The following ITGBL1 variants were observed in gnomAD, a reference collection of about 807,000 sequenced individuals.
ITGBL1 encodes the protein integrin beta-like protein 1.
A neutral mutation model predicts 68.5 loss-of-function variants in ITGBL1; 51 were observed. That is an observed-to-expected ratio of 0.74 (90% CI 0.59 to 0.94). ITGBL1 has a LOEUF of 0.94. ITGBL1 is among the 40% of genes least tolerant of loss of function. ITGBL1 has a pLI of 0.00. For missense variants in ITGBL1, 649 were observed against 647.4 expected (o/e 1.00, Z -0.03); for synonymous variants, 209 against 227.3 (o/e 0.92, Z 0.72).
chr13:101,573,392 T>G (rs1291900476), intron 3 of ITGBL1, among the ~76,000 whole-genome samples: 1 of 152,108 alleles, frequency 6.6e-6, no homozygotes, highest in Non-Finnish European at 1.5e-5. Context: ...AGTGAAAAAT[T>G]TATAGATAAT....
chr13:101,566,308 T>C (rs2050182466), intron 2 of ITGBL1, among the ~76,000 whole-genome samples: 2 of 152,134 alleles, frequency 1.3e-5, no homozygotes, highest in African/African-American at 4.8e-5. Flanking sequence ...CTTAATGCTT[T>C]TATAAATAGG....
At chr13:101,571,880 A>G (rs970975002) in intron 3 of ITGBL1, among the ~76,000 whole-genome samples, 1 of 152,134 alleles carries the variant, frequency 6.6e-6, no homozygotes, top group Non-Finnish European at 1.5e-5. Flanking sequence ...TATGTATGCA[A>G]TGTAATTTAT....
intron 8 of ITGBL1, among the ~76,000 whole-genome samples, chr13:101,698,764 A>G (rs1021139935): frequency 6.6e-6 from 1 of 152,200 alleles, no homozygotes; most frequent in African/African-American, 2.4e-5. Context: ...AAATATATTC[A>G]CATACTGGCA....
chr13:101,566,876 G>A (rs971402672), intron 2 of ITGBL1, among the ~76,000 whole-genome samples: 3 of 152,088 alleles, frequency 2.0e-5, no homozygotes, highest in East Asian at 1.9e-4. Context: ...AGACTTTATC[G>A]CTCAGCTTAA....
chr13:101,554,037 G>A (rs1230338038), intron 2 of ITGBL1, among the ~76,000 whole-genome samples: 1 of 152,046 alleles, frequency 6.6e-6, no homozygotes, highest in Non-Finnish European at 1.5e-5. Context: ...GCCTCCCAAA[G>A]TTCTGGGATT....
At chr13:101,645,832 C>A (rs1274430363) in intron 7 of ITGBL1, among the ~76,000 whole-genome samples, 1 of 152,070 alleles carries the variant, frequency 6.6e-6, no homozygotes, top group African/African-American at 2.4e-5. Context: ...TCTCATTTCT[C>A]ATATTTTGTG....
intron 5 of ITGBL1, among the ~76,000 whole-genome samples, 186 bp from the exon 6 acceptor site, chr13:101,583,030 T>G (rs1194938917): frequency 6.6e-6 from 1 of 152,222 alleles, no homozygotes; most frequent in Non-Finnish European, 1.5e-5. Flanking sequence ...AGATAATAAC[T>G]TTTGTTTATT....
chr13:101,680,722 C>G (rs1309771808), intron 7 of ITGBL1, among the ~76,000 whole-genome samples: 1 of 152,046 alleles, frequency 6.6e-6, no homozygotes, highest in African/African-American at 2.4e-5. Context: ...AACATTCAGC[C>G]CTTACAATCA....
intron 7 of ITGBL1, among the ~76,000 whole-genome samples, chr13:101,679,220 A>G (rs1052858973): frequency 6.6e-6 from 1 of 152,142 alleles, no homozygotes. Flanking sequence ...AACACTTTCT[A>G]TAGAAACATT....
chr13:101,705,957 G>A (rs1199763021), intron 8 of ITGBL1, among the ~76,000 whole-genome samples: 2 of 152,128 alleles, frequency 1.3e-5, no homozygotes. Context: ...CCTGCTGTAA[G>A]GTAATGCACA....
At chr13:101,467,176 G>A (rs540718415) in intron 2 of ITGBL1, among the ~76,000 whole-genome samples, 5 of 152,210 alleles carry the variant, frequency 3.3e-5, no homozygotes, top group African/African-American at 9.6e-5. Flanking sequence ...ATACTGTCAC[G>A]TTGGGGATTA....
chr13:101,523,451 T>A (rs560800172), intron 2 of ITGBL1, among the ~76,000 whole-genome samples: 1 of 152,306 alleles, frequency 6.6e-6, no homozygotes, highest in South Asian at 2.1e-4. Flanking sequence ...GAATGTCAAA[T>A]TAATGCGGTT....
intron 2 of ITGBL1, among the ~76,000 whole-genome samples, chr13:101,463,893 G>T (rs1364688246): frequency 6.7e-6 from 1 of 148,854 alleles, no homozygotes; most frequent in Non-Finnish European, 1.5e-5. Context: ...TTGAATAGGA[G>T]TCATTCTAGT....
At chr13:101,605,883 T>C (rs2030798297) in intron 7 of ITGBL1, among the ~76,000 whole-genome samples, 1 of 149,948 alleles carries the variant, frequency 6.7e-6, no homozygotes, top group Non-Finnish European at 1.5e-5. Flanking sequence ...TACACATATA[T>C]AGACATGTAT....
At chr13:101,642,530 G>A (rs1486595973) in intron 7 of ITGBL1, among the ~76,000 whole-genome samples, 1 of 152,158 alleles carries the variant, frequency 6.6e-6, no homozygotes, top group African/African-American at 2.4e-5. Context: ...TCACTCTGAT[G>A]TTAGTGTCTT....
At chr13:101,670,902 G>C (rs2033341908) in intron 7 of ITGBL1, among the ~76,000 whole-genome samples, 1 of 152,124 alleles carries the variant, frequency 6.6e-6, no homozygotes, top group African/African-American at 2.4e-5. Flanking sequence ...ATTTATAGAA[G>C]TCTGATGGCT....
intron 6 of ITGBL1, among the ~76,000 whole-genome samples, chr13:101,586,081 G>A (rs533527022): frequency 1.4e-4 from 21 of 152,204 alleles, no homozygotes; most frequent in South Asian, 8.3e-4. Context: ...TGCAATTCCC[G>A]CAGCGTGTCA....
At chr13:101,631,016 A>G (rs1162776071) in intron 7 of ITGBL1, among the ~76,000 whole-genome samples, 2 of 152,184 alleles carry the variant, frequency 1.3e-5, no homozygotes, top group African/African-American at 4.8e-5. Flanking sequence ...GATCAGACAT[A>G]TGTTGATCAC....
chr13:101,549,135 T>G (rs950841968), intron 2 of ITGBL1, among the ~76,000 whole-genome samples: 58 of 151,808 alleles, frequency 3.8e-4, no homozygotes, highest in Non-Finnish European at 1.5e-5. Flanking sequence ...AAAGGTGACT[T>G]TAAATAAATG....
Sources: allele counts gnomAD v4.1 joint callset (sites outside exome capture counted in the v4.1 genomes callset), GRCh38; gene constraint gnomAD v4.1.1; transcripts MANE v1.5; gene names NCBI Gene and HGNC (gene_info 2026-07-23, HGNC 2026-07-21).